Variants in MBD5 observed in about 807,000 individuals in gnomAD.
The protein encoded by MBD5 is methyl-CpG-binding domain protein 5.
MBD5 carries 13 observed loss-of-function variants against 117.3 expected under a neutral mutation model. The observed-to-expected ratio is 0.11, with a 90% CI of 0.07 to 0.18. The LOEUF (loss-of-function observed/expected upper bound fraction) is 0.18. Ranked by LOEUF, MBD5 falls within the 10% of genes least tolerant of loss-of-function variation. The pLI is 1.00. For synonymous variants in MBD5, 727 were observed against 766.4 expected (o/e 0.95, Z 0.85); for missense variants, 1,879 against 2,093.8 (o/e 0.90, Z 2.00).
chr2:148,161,542 CT>C (rs979591603), intron 1 of MBD5, among the ~76,000 whole-genome samples: 1 of 151,936 alleles, frequency 6.6e-6, no homozygotes, highest in African/African-American at 2.4e-5. Context: ...TTAATCCATA[CT>C]TTTTTTTTCT....
intron 3 of MBD5, among the ~76,000 whole-genome samples, chr2:148,296,876 T>TTTTTTTTC (rs1191588357): frequency 1.7e-5 from 2 of 116,482 alleles, no homozygotes; most frequent in African/African-American, 6.1e-5. Context: ...TTTTTTTTTT[T>TTTTTTTTC]TTTTTTTTGG....
intron 4 of MBD5, among the ~76,000 whole-genome samples, chr2:148,374,085 A>G (rs959404628): frequency 6.6e-6 from 1 of 152,106 alleles, no homozygotes; most frequent in African/African-American, 2.4e-5. Flanking sequence ...GGTTCCAAGC[A>G]TTTCGGATAA....
chr2:148,080,794 A>T lies in MBD5; in HGVS notation c.-925+59110A>T, dbSNP rs552369628. Among the ~76,000 whole-genome samples, 3 of 152,336 alleles carry T rather than the reference A, an allele frequency of 2.0e-5. No individual in the cohort carries two copies. In the East Asian group the frequency reaches 5.8e-4, roughly 29 times the overall value. ...TATGATAGCAGCTATGTAAATATGC[A>T]ATGGTTTAAACATTTAAAAAGTATT... On this transcript the variant is annotated intron_variant, in intron 1 of 13. Transcript: ENST00000642680.
At chr2:148,387,281 A>G (rs1704402367) in intron 4 of MBD5, among the ~76,000 whole-genome samples, 1 of 152,184 alleles carries the variant, frequency 6.6e-6, no homozygotes, top group South Asian at 2.1e-4. Flanking sequence ...TATTTAGCAT[A>G]TTAACAGATT....
chr2:148,449,594 A>G (rs921369621), intron 4 of MBD5, among the ~76,000 whole-genome samples: 1 of 151,982 alleles, frequency 6.6e-6, no homozygotes, highest in Non-Finnish European at 1.5e-5. Flanking sequence ...TTCCAAGCAG[A>G]AAAGTGGGCA....
intron 3 of MBD5, among the ~76,000 whole-genome samples, chr2:148,333,434 T>C (rs1206268634): frequency 6.6e-6 from 1 of 152,168 alleles, no homozygotes; most frequent in African/African-American, 2.4e-5. Flanking sequence ...CTAGAGACTA[T>C]AAGATGGGCT....
intron 4 of MBD5, among the ~76,000 whole-genome samples, chr2:148,353,208 G>A (rs987074668): frequency 1.3e-5 from 2 of 152,100 alleles, no homozygotes; most frequent in Admixed American, 6.6e-5. Flanking sequence ...CAAGTATTTA[G>A]TATAATTAAA....
chr2:148,400,878 A>G (rs1704898613), intron 4 of MBD5, among the ~76,000 whole-genome samples: 1 of 152,094 alleles, frequency 6.6e-6, no homozygotes, highest in Non-Finnish European at 1.5e-5. Context: ...TCTTGCTGAT[A>G]TTGTCTTCAT....
At chr2:148,458,027 T>G (rs1254004487) in intron 4 of MBD5, among the ~76,000 whole-genome samples, 176 bp from the exon 5 acceptor site, 1 of 152,166 alleles carries the variant, frequency 6.6e-6, no homozygotes, top group African/African-American at 2.4e-5. Flanking sequence ...TTAGTTTAAT[T>G]GGAGTAAGTG....
At chr2:148,110,003 A>T (rs1696470064) in intron 1 of MBD5, among the ~76,000 whole-genome samples, 1 of 152,156 alleles carries the variant, frequency 6.6e-6, no homozygotes. Context: ...TAAAGTACTA[A>T]AGTTAATATA....
At chr2:148,119,299 CATTT>C (rs1368342793) in intron 1 of MBD5, among the ~76,000 whole-genome samples, 1 of 152,126 alleles carries the variant, frequency 6.6e-6, no homozygotes, top group Non-Finnish European at 1.5e-5. Flanking sequence ...TTATAGGCCA[CATTT>C]ATAACTTCTT....
chr2:148,260,389 C>T (rs560364932), intron 3 of MBD5, among the ~76,000 whole-genome samples: 1 of 152,228 alleles, frequency 6.6e-6, no homozygotes, highest in Non-Finnish European at 1.5e-5. Context: ...TCAGTCACAT[C>T]TGCAGTCTCC....
intron 1 of MBD5, chr2:148,025,078 A>C (rs1441574310): frequency 6.6e-6 from 1 of 152,122 alleles, no homozygotes; most frequent in East Asian, 1.9e-4. Flanking sequence ...ACCTTTGCAA[A>C]CTTGTCTGGA....
intron 2 of MBD5, among the ~76,000 whole-genome samples, chr2:148,184,479 A>G (rs749217396): frequency 1.3e-5 from 2 of 152,128 alleles, no homozygotes; most frequent in Non-Finnish European, 2.9e-5. Context: ...TATCCAGTCT[A>G]TATACTTCAA....
chr2:148,178,664 T>C (rs1005188022), intron 1 of MBD5, 36 bp from the exon 2 acceptor site: 2 of 397,616 alleles, frequency 5.0e-6, no homozygotes, highest in Non-Finnish European at 4.4e-6. Context: ...ATCTATAATC[T>C]CAAATTCATT....
Position 148,386,204 on chromosome 2 carries a change from G to A in MBD5, c.-557+43868G>A, listed in dbSNP as rs565240194. 3.9e-5 allele frequency among the ~76,000 whole-genome samples: 6 copies of A among 151,984 alleles called. No individual in the cohort carries two copies. The East Asian group carries it at 1.2e-3, about 29-fold the overall frequency. On this transcript the variant is annotated intron_variant, in intron 4 of 13. Coordinates refer to ENST00000642680, the MANE Select transcript of MBD5 (RefSeq NM_001378120.1). ...AAAATGAACAAAAGCTTTTAAAAAAGTAAGAATAAGATAATAAAGAGCAGA... is the reference window on the plus strand; with the variant it reads ...AAAATGAACAAAAGCTTTTAAAAAAATAAGAATAAGATAATAAAGAGCAGA...
chr2:148,195,573 A>C (rs1387167204), intron 2 of MBD5, among the ~76,000 whole-genome samples: 1 of 152,214 alleles, frequency 6.6e-6, no homozygotes, highest in Non-Finnish European at 1.5e-5. Context: ...CATTTGTAGA[A>C]CATATGCCTA....
chr2:148,237,522 C>T (rs1456141736), intron 3 of MBD5, among the ~76,000 whole-genome samples: 1 of 152,166 alleles, frequency 6.6e-6, no homozygotes, highest in Non-Finnish European at 1.5e-5. Flanking sequence ...ATTCAGAACA[C>T]ACATTTATCA....
At chr2:148,365,734 T>A (rs890274862) in intron 4 of MBD5, among the ~76,000 whole-genome samples, 2 of 151,888 alleles carry the variant, frequency 1.3e-5, no homozygotes, top group African/African-American at 4.8e-5. Context: ...ATAGAGGAAA[T>A]GGATAAATTC....
Sources: gnomAD v4.1 joint callset for allele counts (sites outside exome capture counted in the v4.1 genomes callset) on GRCh38, gnomAD v4.1.1 for gene constraint, MANE v1.5 for transcripts, NCBI Gene and HGNC (gene_info 2026-07-23, HGNC 2026-07-21) for gene names.